NQO1: variants seen among roughly 807,000 people sequenced by gnomAD.
NQO1 encodes the protein NAD(P)H dehydrogenase [quinone] 1.
NQO1 carries 30 observed loss-of-function variants against 32.1 expected under a neutral mutation model. The observed-to-expected ratio is 0.94, with a 90% CI of 0.70 to 1.27. The LOEUF is 1.27. Ranked by LOEUF, NQO1 falls within the 50% of genes most tolerant of loss-of-function variation. The probability of loss-of-function intolerance (pLI) is 0.00; values close to 1 mark genes in which losing one functional copy is unlikely to be tolerated. For synonymous variants in NQO1, 109 were observed against 119.7 expected (o/e 0.91, Z 0.59); for missense variants, 276 against 331.3 (o/e 0.83, Z 1.30).
Position 69,718,544 on chromosome 16 carries a change from C to G in NQO1, c.8-10G>C. 1 of 1,612,798 alleles carries G rather than the reference C, an allele frequency of 6.2e-7. No individual in the cohort carries two copies. The highest frequency in any genetic ancestry group is 8.5e-7 in the Non-Finnish European group (1 of 1,179,564). On this transcript the variant is annotated splice_polypyrimidine_tract_variant and intron_variant, in intron 1 of 5. Transcript: ENST00000320623. Reference sequence around the variant, plus strand: ...ATCAGTGCTCTTCTGCCTACAGAGACACACACAAAGCACACACGGAAAACC... The same window carrying G: ...ATCAGTGCTCTTCTGCCTACAGAGAGACACACAAAGCACACACGGAAAACC...
chr16:69,718,145 G>A lies in NQO1; in HGVS notation c.281C>T (p.Ala94Val). 1 of 1,613,992 alleles carries A rather than the reference G, an allele frequency of 6.2e-7. No homozygotes were observed. The change falls in exon 3 of 6, where the codon GCC becomes GTC. Residue 94 changes from alanine (A) to valine (V), a missense_variant. By Grantham distance (64) the Ala-to-Val change is moderately conservative. Coordinates refer to ENST00000320623, the MANE Select transcript of NQO1 (RefSeq NM_000903.3). ...DIVAEQKKLE[A>V]ADLVIFQFPL... ...TACCTGGAATATCACAAGGTCTGCG[G>A]CTTCCAGCTTCTTTTGTTCAGCCAC...
Position 69,710,875 on chromosome 16 carries a change from A to G in NQO1, c.*101T>C. On this transcript the variant is annotated 3_prime_UTR_variant, in exon 6 of 6. Coordinates refer to ENST00000320623, the MANE Select transcript of NQO1 (RefSeq NM_000903.3). The stretch of plus-strand genomic sequence containing the variant: ...TTCCCTCTCATTTATTCCTTGTGGA[A>G]AAAGAAAAACACAAATCTTAAAAAC... 1.5e-6 allele frequency: 2 copies of G among 1,310,068 alleles called. No homozygotes were observed. Among genetic ancestry groups the G allele is most frequent in the Admixed American group, 2.4e-5 (1 of 41,764 alleles). The allele number at this position is 1,310,068 out of a possible 1,614,324, so 81.2% of individuals were successfully genotyped here.
chr16:69,721,641 G>A (rs564139704), intron 1 of NQO1, among the ~76,000 whole-genome samples: 2 of 152,170 alleles, frequency 1.3e-5, no homozygotes, highest in East Asian at 3.9e-4. Context: ...TGAGGCACAG[G>A]AGAGAAGCAA....
intron 3 of NQO1, among the ~76,000 whole-genome samples, chr16:69,716,497 CAA>C (rs1381778148): frequency 6.6e-6 from 1 of 151,004 alleles, no homozygotes; most frequent in East Asian, 1.9e-4. Context: ...ATCTCAAAAA[CAA>C]ATAAATAAAT....
intron 1 of NQO1, among the ~76,000 whole-genome samples, chr16:69,723,997 G>C (rs1285242514): frequency 6.6e-6 from 1 of 152,082 alleles, no homozygotes; most frequent in East Asian, 1.9e-4. Flanking sequence ...TGGCATTAGT[G>C]TGTTAGGAGA....
At position 69,713,938 on chromosome 16, in the gene NQO1, C is replaced by T. The variant is rs147094750; in HGVS notation, c.418-809G>A. Among the ~76,000 whole-genome samples the T allele has an allele frequency of 1.7e-5, 2 of 115,494 alleles. 1 individual carries two copies. The highest frequency in any genetic ancestry group is 2.0e-4 in the Admixed American group (2 of 10,238). 75.8% of individuals were successfully genotyped at this position (115,494 alleles called of 152,430 possible). A position where few individuals can be genotyped will look rare whatever the true frequency, so the allele number is the denominator to read the frequency against. On this transcript the variant is annotated intron_variant, in intron 4 of 5. Coordinates refer to ENST00000320623, the MANE Select transcript of NQO1 (RefSeq NM_000903.3). ...TCACCCAGCCTGGAGTGCAGTGGTG[C>T]GATCTCGGCTCACTGCAACCTCTGC...
chr16:69,719,058 G>A (rs1028738221), intron 1 of NQO1, among the ~76,000 whole-genome samples: 6 of 151,174 alleles, frequency 4.0e-5, no homozygotes, highest in Admixed American at 6.6e-5. Context: ...GATGCTCTGC[G>A]TGACCTGTCA....
chr16:69,714,378 C>A (rs1354311076), intron 4 of NQO1, among the ~76,000 whole-genome samples: 7 of 143,192 alleles, frequency 4.9e-5, no homozygotes, highest in Non-Finnish European at 1.1e-4. Context: ...GCCATGTTGG[C>A]CAGACTGGTC....
intron 1 of NQO1, among the ~76,000 whole-genome samples, chr16:69,720,444 C>CA (rs529699244): frequency 6.3e-4 from 82 of 130,716 alleles, no homozygotes; most frequent in African/African-American, 1.1e-3. Flanking sequence ...AAAGAAAATA[C>CA]AAAAAAAAAA....
rs532630834 is a variant in NQO1, at chr16:69,716,990, T to G, written c.303+1133A>C. 4.6e-5 allele frequency among the ~76,000 whole-genome samples: 7 copies of G among 151,378 alleles called. No homozygotes were observed. The South Asian group carries it at 1.0e-3, about 23-fold the overall frequency. The stretch of plus-strand genomic sequence containing the variant: ...TAAAGCCGTCCTTTGGGGTACTGGC[T>G]AGTGGCATGTGGCTTTGATTCTTAG... On this transcript the variant is annotated intron_variant, in intron 3 of 5. Coordinates refer to ENST00000320623, the MANE Select transcript of NQO1 (RefSeq NM_000903.3).
intron 1 of NQO1, among the ~76,000 whole-genome samples, chr16:69,724,142 C>A (rs1033335006): frequency 1.3e-5 from 2 of 151,882 alleles, no homozygotes; most frequent in East Asian, 1.9e-4. Flanking sequence ...GGTGAAACCC[C>A]GTCTCTACTA....
intron 3 of NQO1, among the ~76,000 whole-genome samples, chr16:69,715,813 T>G (rs2038105290): frequency 6.6e-6 from 1 of 152,120 alleles, no homozygotes; most frequent in Admixed American, 6.5e-5. Context: ...TCCCTTGTTA[T>G]CGTGGATGAA....
chr16:69,714,994 G>GTTC lies in NQO1; in HGVS notation c.386_387insGAA (p.Tyr129delinsTer), dbSNP rs748374631. On this transcript the variant is annotated stop_gained, in exon 4 of 6. Coordinates refer to ENST00000320623, the MANE Select transcript of NQO1 (RefSeq NM_000903.3). LOFTEE classifies it high-confidence loss of function. ...AGGGTCCTTTGTCATACATGGCAGCGTAAGTGTAAGCAAACTCTCCTATGA... is the reference window on the plus strand; with the variant it reads ...AGGGTCCTTTGTCATACATGGCAGCGTTCTAAGTGTAAGCAAACTCTCCTATGA... The GTTC allele has an allele frequency of 1.4e-5, 23 of 1,613,640 alleles. No individual in the cohort carries two copies. The highest frequency in any genetic ancestry group is 1.8e-5 in the Non-Finnish European group (21 of 1,179,718).
intron 1 of NQO1, among the ~76,000 whole-genome samples, chr16:69,725,832 C>A (rs1383176237): frequency 6.6e-6 from 1 of 152,200 alleles, no homozygotes; most frequent in Non-Finnish European, 1.5e-5. Context: ...TGAGATAGCG[C>A]CATTGCACTA....
chr16:69,712,374 G>T (rs1287655165), intron 5 of NQO1, among the ~76,000 whole-genome samples: 4 of 152,048 alleles, frequency 2.6e-5, no homozygotes, highest in African/African-American at 9.7e-5. Flanking sequence ...GGCTCTAATA[G>T]TCTATGGGAC....
intron 5 of NQO1, 51 bp from the exon 6 acceptor site, chr16:69,711,332 G>A (rs2151742046): frequency 6.6e-7 from 1 of 1,510,342 alleles, no homozygotes; most frequent in Non-Finnish European, 9.0e-7. Flanking sequence ...CCATGCAGTT[G>A]TACTATAAAC....
At chr16:69,716,182 T>TC (rs1175249671) in intron 3 of NQO1, among the ~76,000 whole-genome samples, 165 of 135,396 alleles carry the variant, frequency 1.2e-3, no homozygotes, top group African/African-American at 1.4e-3. Context: ...ATAATAATAA[T>TC]AATAATAATA....
At chr16:69,717,992 AG>A in intron 3 of NQO1, 130 bp downstream of exon 3, 1 of 1,265,828 alleles carries the variant, frequency 7.9e-7, no homozygotes, top group East Asian at 2.3e-5. Flanking sequence ...GCACCTTTAA[AG>A]TAATCACCCT....
intron 5 of NQO1, among the ~76,000 whole-genome samples, chr16:69,712,452 C>A (rs749057668): frequency 1.3e-5 from 2 of 152,116 alleles, no homozygotes; most frequent in Admixed American, 1.3e-4. Context: ...GAGACCAGGG[C>A]CCACGGCTAT....
Sources: gnomAD v4.1 joint callset for allele counts (sites outside exome capture counted in the v4.1 genomes callset) on GRCh38, gnomAD v4.1.1 for gene constraint, MANE v1.5 for transcripts, NCBI Gene and HGNC (gene_info 2026-07-23, HGNC 2026-07-21) for gene names.